ZNF385B: variants seen among roughly 807,000 people sequenced by gnomAD.
The protein encoded by ZNF385B is zinc finger protein 533.
A neutral mutation model predicts 39.2 loss-of-function variants in ZNF385B; 23 were observed. The observed-to-expected ratio is 0.59, with a 90% CI of 0.42 to 0.83. ZNF385B has a LOEUF of 0.83. ZNF385B is among the 40% of genes least tolerant of loss of function. ZNF385B has a pLI of 0.00. For synonymous variants in ZNF385B, 205 were observed against 222.6 expected, an observed-to-expected ratio of 0.92 and a Z score of 0.70; for missense variants, 552 against 598.9, an observed-to-expected ratio of 0.92 and a Z score of 0.82.
chr2:179,721,626 C>CT (rs1482890553), intron 3 of ZNF385B, among the ~76,000 whole-genome samples: 2 of 151,554 alleles, frequency 1.3e-5, no homozygotes, highest in Non-Finnish European at 2.9e-5. Context: ...TATGTAAAAC[C>CT]ATACAATTAT....
chr2:179,676,128 G>A (rs570132141), intron 3 of ZNF385B, among the ~76,000 whole-genome samples: 6 of 145,562 alleles, frequency 4.1e-5, no homozygotes, highest in Admixed American at 6.9e-5. Context: ...TCGCTTTGCC[G>A]CCCAGGCTGG....
chr2:179,704,071 TA>T lies in ZNF385B; in HGVS notation c.298+65431del, dbSNP rs546091373. On this transcript the variant is annotated intron_variant, in intron 3 of 9. Transcript: ENST00000410066. ...ATGACATGATCAGATTTTTGTTTTA[TA>T]AAAGTCATTAGTATAAGAATGTTCA... Among the ~76,000 whole-genome samples, 134 of 152,318 alleles carry T rather than the reference TA, an allele frequency of 8.8e-4. 1 individual carries two copies. The highest frequency in any genetic ancestry group is 8.6e-3 in the Admixed American group (132 of 15,284).
chr2:179,448,723 T>A (rs573413671), intron 6 of ZNF385B, among the ~76,000 whole-genome samples: 2 of 152,230 alleles, frequency 1.3e-5, no homozygotes, highest in South Asian at 4.1e-4. Context: ...GTAAGTGGCA[T>A]AAATGAGCAT....
At chr2:179,458,025 G>A (rs2050891053) in intron 6 of ZNF385B, among the ~76,000 whole-genome samples, 1 of 152,182 alleles carries the variant, frequency 6.6e-6, no homozygotes, top group African/African-American at 2.4e-5. Flanking sequence ...GACTAAGAAT[G>A]CTTAGTTTTA....
chr2:179,537,839 T>C (rs2105885173), intron 4 of ZNF385B, among the ~76,000 whole-genome samples: 1 of 152,298 alleles, frequency 6.6e-6, no homozygotes, highest in East Asian at 1.9e-4. Context: ...GTACAAAATC[T>C]TTGTTAGTTT....
intron 3 of ZNF385B, among the ~76,000 whole-genome samples, chr2:179,747,449 T>C (rs1702447336): frequency 6.6e-6 from 1 of 152,122 alleles, no homozygotes; most frequent in Admixed American, 6.6e-5. Context: ...TAGGGCAACA[T>C]TTGAATGTAT....
intron 3 of ZNF385B, among the ~76,000 whole-genome samples, chr2:179,557,554 T>C (rs1051355260): frequency 8.8e-6 from 1 of 113,414 alleles, no homozygotes; most frequent in Non-Finnish European, 1.9e-5. Context: ...ATAACATATA[T>C]ACATGTTATA....
intron 1 of ZNF385B, among the ~76,000 whole-genome samples, chr2:179,848,954 T>C (rs1337610339): frequency 2.6e-5 from 4 of 152,244 alleles, no homozygotes; most frequent in African/African-American, 9.6e-5. Context: ...ATCATGTTTC[T>C]GGCACAGGAA....
At chr2:179,585,073 A>T (rs1686946184) in intron 3 of ZNF385B, among the ~76,000 whole-genome samples, 1 of 152,184 alleles carries the variant, frequency 6.6e-6, no homozygotes, top group Admixed American at 6.5e-5. Flanking sequence ...GAAGTACCTT[A>T]TTGGTATGTT....
At chr2:179,828,725 A>G (rs1451630101) in intron 1 of ZNF385B, among the ~76,000 whole-genome samples, 1 of 152,210 alleles carries the variant, frequency 6.6e-6, no homozygotes. Flanking sequence ...AAACAGGCCT[A>G]TGTAACCAAA....
At chr2:179,740,184 T>C (rs955327572) in intron 3 of ZNF385B, among the ~76,000 whole-genome samples, 9 of 152,128 alleles carry the variant, frequency 5.9e-5, no homozygotes, top group Non-Finnish European at 1.2e-4. Context: ...GAGTTCTAGA[T>C]GTAAAGTCAT....
In ZNF385B at chr2:179,847,715, G is replaced by A. The variant is rs559474288; in HGVS notation, c.-155+13386C>T. On this transcript the variant is annotated intron_variant, in intron 1 of 9. Coordinates refer to ENST00000410066, the MANE Select transcript of ZNF385B (RefSeq NM_152520.6). Reference sequence around the variant, plus strand: ...GAGAAGCCATGGGAGTCACAGGGCCGCATGGATGGATGCTGTGGAAGGGAC... The same window carrying A: ...GAGAAGCCATGGGAGTCACAGGGCCACATGGATGGATGCTGTGGAAGGGAC... 6.6e-5 allele frequency among the ~76,000 whole-genome samples: 10 copies of A among 152,312 alleles called. No individual in the cohort carries two copies. In the East Asian group the frequency reaches 1.2e-3, roughly 18 times the overall value.
intron 1 of ZNF385B, among the ~76,000 whole-genome samples, chr2:179,850,230 C>T (rs1167818428): frequency 1.3e-5 from 2 of 152,122 alleles, no homozygotes; most frequent in African/African-American, 4.8e-5. Context: ...AAAGTCACTC[C>T]TCAAATTATT....
chr2:179,510,740 G>A (rs2057617061), intron 5 of ZNF385B, among the ~76,000 whole-genome samples: 1 of 152,050 alleles, frequency 6.6e-6, no homozygotes, highest in Non-Finnish European at 1.5e-5. Context: ...GCATTTTTGT[G>A]CCAGAAAAAG....
rs2105510603 is a variant in ZNF385B, at chr2:179,442,086, T to C, written c.*1164A>G. On this transcript the variant is annotated 3_prime_UTR_variant, in exon 10 of 10. Coordinates refer to ENST00000410066, the MANE Select transcript of ZNF385B (RefSeq NM_152520.6). ...AGATGCTCTAAAAGAGTCCACTCTATTTTGTTGTTCTATGATAACTCTTGC... is the reference window on the plus strand; with the variant it reads ...AGATGCTCTAAAAGAGTCCACTCTACTTTGTTGTTCTATGATAACTCTTGC... 6.5e-6 allele frequency: 1 copy of C among 152,800 alleles called. No homozygotes were observed. Among genetic ancestry groups the C allele is most frequent in the Admixed American group, 6.5e-5 (1 of 15,310 alleles). 9.5% of individuals were successfully genotyped at this position (152,800 alleles called of 1,614,324 possible).
intron 5 of ZNF385B, among the ~76,000 whole-genome samples, chr2:179,512,551 G>A (rs2057762510): frequency 1.3e-5 from 2 of 152,164 alleles, no homozygotes; most frequent in African/African-American, 4.8e-5. Context: ...TTTGGAAATG[G>A]CATTTTCCAG....
At chr2:179,570,308 A>G (rs556385300) in intron 3 of ZNF385B, among the ~76,000 whole-genome samples, 1 of 152,286 alleles carries the variant, frequency 6.6e-6, no homozygotes, top group East Asian at 1.9e-4. Flanking sequence ...TGAGTTCACT[A>G]AGGCATAAAA....
intron 6 of ZNF385B, among the ~76,000 whole-genome samples, chr2:179,467,573 G>A (rs1190766581): frequency 6.6e-6 from 1 of 152,142 alleles, no homozygotes; most frequent in African/African-American, 2.4e-5. Flanking sequence ...TACACATTGG[G>A]TCAATCTAAG....
Position 179,443,376 on chromosome 2 carries a change from C to T in ZNF385B, c.1335G>A (p.Ala445=), listed in dbSNP as rs769968642. 4.3e-6 allele frequency: 7 copies of T among 1,611,962 alleles called. No individual in the cohort carries two copies. The highest frequency in any genetic ancestry group is 3.3e-5 in the Admixed American group (2 of 59,852). Residue 445 remains alanine, a synonymous_variant, in exon 10 of 10, where the codon GCG becomes GCA. Transcript: ENST00000410066. The part of the protein sequence containing the change: ...PLAAAAAVSS[A]LSLPPRPSAS... ...CAGAGGGCCGGGGTGGGAGTGACAG[C>T]GCTGAGGACACGGCTGCCGCCGCTG...
Sources: gnomAD v4.1 joint callset for allele counts (sites outside exome capture counted in the v4.1 genomes callset) on GRCh38, gnomAD v4.1.1 for gene constraint, MANE v1.5 for transcripts, NCBI Gene and HGNC (gene_info 2026-07-23, HGNC 2026-07-21) for gene names.